Variants in TRDN observed in about 807,000 individuals in gnomAD.
TRDN encodes triadin, also known as triadin in skeletal muscle.
A neutral mutation model predicts 149.7 loss-of-function variants in TRDN; 161 were observed. The ratio of observed to expected loss-of-function variants is 1.08; its 90% CI spans 0.95 to 1.23. TRDN has a LOEUF of 1.23. Ranked by LOEUF, TRDN falls within the 50% of genes most tolerant of loss-of-function variation. TRDN has a pLI of 0.00. For missense variants in TRDN, 896 were observed against 823.5 expected, an observed-to-expected ratio of 1.09 and a Z score of -1.08; for synonymous variants, 294 against 250.5, an observed-to-expected ratio of 1.17 and a Z score of -1.64.
At chr6:123,338,791 GTAGT>G (rs1025665990) in intron 21 of TRDN, among the ~76,000 whole-genome samples, 7 of 152,174 alleles carry the variant, frequency 4.6e-5, no homozygotes, top group African/African-American at 1.7e-4. Context: ...TTGTGAAAAG[GTAGT>G]TAATCAACAA....
Position 123,259,641 on chromosome 6 carries a change from G to T in TRDN, c.1853C>A (p.Ser618Tyr). Residue 618 changes from serine to tyrosine, a missense_variant, in exon 35 of 41, where the codon TCT (serine) becomes TAT (tyrosine). Physicochemically the swap from Ser to Tyr is moderately radical, Grantham distance 144 (BLOSUM62 -2). Coordinates refer to ENST00000334268, the MANE Select transcript of TRDN (RefSeq NM_006073.4). ...TESGKKKTEI[S>Y]EKESKEKADM... is the part of the protein sequence containing the mutation. ...ATTTTTACCTTTACTTTCTTTTTCA[G>T]ATATTTCAGTTTTCTTCTTTCCTAG... is the stretch of plus-strand genomic sequence containing the variant. 1 of 1,468,364 alleles carries T rather than the reference G, an allele frequency of 6.8e-7. No homozygotes were observed. Among genetic ancestry groups the T allele is most frequent in the East Asian group, 2.6e-5 (1 of 39,074 alleles). 91.0% of individuals were successfully genotyped at this position (1,468,364 alleles called of 1,614,324 possible). A position where few individuals can be genotyped will look rare whatever the true frequency, so the allele number is the denominator to read the frequency against.
intron 24 of TRDN, among the ~76,000 whole-genome samples, chr6:123,287,556 G>A (rs1234867344): frequency 2.0e-5 from 3 of 152,040 alleles, no homozygotes; most frequent in Non-Finnish European, 2.9e-5. Flanking sequence ...TGAGTCCCAC[G>A]TAATTGTATA....
intron 1 of TRDN, among the ~76,000 whole-genome samples, chr6:123,619,078 T>C (rs1435166005): frequency 1.3e-5 from 2 of 152,142 alleles, no homozygotes; most frequent in Admixed American, 1.3e-4. Flanking sequence ...CCATTATTCA[T>C]TGGGTAATGT....
rs866793470 is a variant in TRDN at position 123,350,643 on chromosome 6, T to C, written c.1369+1896A>G. On this transcript the variant is annotated intron_variant, in intron 21 of 40. Coordinates refer to ENST00000334268, the MANE Select transcript of TRDN (RefSeq NM_006073.4). The stretch of plus-strand genomic sequence containing the variant: ...AAAAGCACAAAATATCTATTTTTTG[T>C]ATCAGTTATTAGTAATAGATATACT... The C allele has an allele frequency of 4.2e-5, 32 of 754,090 alleles. No individual in the cohort carries two copies. In the African/African-American group the frequency reaches 4.7e-4, roughly 11 times the overall value. The allele number at this position is 754,090 out of a possible 1,614,324, so 46.7% of individuals were successfully genotyped here. A position where few individuals can be genotyped will look rare whatever the true frequency, so the allele number is the denominator to read the frequency against.
At chr6:123,226,943 C>A (rs1775396710) in intron 38 of TRDN, among the ~76,000 whole-genome samples, 2 of 151,588 alleles carry the variant, frequency 1.3e-5, no homozygotes, top group East Asian at 3.9e-4. Flanking sequence ...GAAGGAGATG[C>A]CAAAATTAAA....
intron 1 of TRDN, among the ~76,000 whole-genome samples, chr6:123,630,184 C>T (rs965761216): frequency 6.6e-6 from 1 of 151,960 alleles, no homozygotes; most frequent in Non-Finnish European, 1.5e-5. Context: ...AAATATGTTA[C>T]ATTAGATAAT....
At chr6:123,525,847 T>G (rs1779918851) in intron 5 of TRDN, among the ~76,000 whole-genome samples, 1 of 152,070 alleles carries the variant, frequency 6.6e-6, no homozygotes, top group Admixed American at 6.6e-5. Context: ...TTAGATCTGG[T>G]GATTTGAAGT....
intron 34 of TRDN, among the ~76,000 whole-genome samples, chr6:123,260,373 A>G (rs566601849): frequency 6.6e-6 from 1 of 152,146 alleles, no homozygotes; most frequent in East Asian, 1.9e-4. Context: ...GACAAAAGTG[A>G]GAAGAAAAAC....
At chr6:123,540,427 T>C (rs1397067387) in intron 4 of TRDN, among the ~76,000 whole-genome samples, 1 of 151,712 alleles carries the variant, frequency 6.6e-6, no homozygotes, top group African/African-American at 2.4e-5. Flanking sequence ...GAGGATTTAC[T>C]AATAACATGA....
chr6:123,238,730 A>G (rs1359295175), intron 38 of TRDN, among the ~76,000 whole-genome samples: 1 of 152,244 alleles, frequency 6.6e-6, no homozygotes, highest in African/African-American at 2.4e-5. Context: ...ATGTTATGAA[A>G]GGACATAAAG....
chr6:123,452,666 A>G (rs1248808282), intron 10 of TRDN, among the ~76,000 whole-genome samples: 3 of 152,152 alleles, frequency 2.0e-5, no homozygotes, highest in Non-Finnish European at 4.4e-5. Context: ...TGGGAAAATG[A>G]CCATACTGCC....
chr6:123,501,281 C>T (rs191081177), intron 8 of TRDN, among the ~76,000 whole-genome samples: 49 of 151,902 alleles, frequency 3.2e-4, no homozygotes, highest in African/African-American at 9.9e-4. Context: ...AGTAAAGGAC[C>T]TATGAGCCTT....
intron 1 of TRDN, among the ~76,000 whole-genome samples, chr6:123,594,968 T>C (rs1031622802): frequency 4.6e-5 from 7 of 151,766 alleles, no homozygotes; most frequent in Non-Finnish European, 8.8e-5. Context: ...ACCCAGAATA[T>C]GCCTCTGTGG....
intron 1 of TRDN, among the ~76,000 whole-genome samples, chr6:123,609,973 T>C (rs1269636270): frequency 1.3e-5 from 2 of 152,180 alleles, no homozygotes; most frequent in African/African-American, 4.8e-5. Flanking sequence ...AGTAAATTTA[T>C]ACTAGAAGTC....
Position 123,248,096 on chromosome 6 carries a change from A to T in TRDN, c.1975+4316T>A, listed in dbSNP as rs186781388. The stretch of plus-strand genomic sequence containing the variant: ...TTCCTTACACCTTATACAAAAAATT[A>T]ACTGAAGATGGATTAAAGACTGAAA... On this transcript the variant is annotated intron_variant, in intron 38 of 40. Transcript: ENST00000334268. Among the ~76,000 whole-genome samples, 43 of 152,338 alleles carry T rather than the reference A, an allele frequency of 2.8e-4. 1 individual carries two copies. The highest frequency in any genetic ancestry group is 9.9e-4 in the African/African-American group (41 of 41,584).
Position 123,577,296 on chromosome 6 carries a change from G to GCCACCCT in TRDN, c.23-6171_23-6165dup, listed in dbSNP as rs555361883. On this transcript the variant is annotated intron_variant, in intron 1 of 40. Transcript: ENST00000334268. ...TTTTTTTTCTGCTCCTGTCCCTCCT[G>GCCACCCT]CCACCCTCCACCCTCAAGTAGGCCC... Among the ~76,000 whole-genome samples, 3 of 151,956 alleles carry GCCACCCT rather than the reference G, an allele frequency of 2.0e-5. 1 individual carries two copies. The South Asian group carries it at 6.2e-4, about 32-fold the overall frequency.
In TRDN at chr6:123,590,533, G is replaced by A. The variant is rs140572622; in HGVS notation, c.23-19401C>T. On this transcript the variant is annotated intron_variant, in intron 1 of 40. Coordinates refer to ENST00000334268, the MANE Select transcript of TRDN (RefSeq NM_006073.4). Reference sequence around the variant, plus strand: ...TAATCCCAGCACTTTGGGAGGCCGAGGCAGGCAGATCATGAGGTCAGGAGT... The same window carrying A: ...TAATCCCAGCACTTTGGGAGGCCGAAGCAGGCAGATCATGAGGTCAGGAGT... 3.2e-3 allele frequency among the ~76,000 whole-genome samples: 493 copies of A among 152,296 alleles called. 3 individuals are homozygous for A. The highest frequency in any genetic ancestry group is 1.0e-2 in the South Asian group (48 of 4,822).
chr6:123,566,802 G>A (rs2114521052), intron 2 of TRDN, among the ~76,000 whole-genome samples: 1 of 152,186 alleles, frequency 6.6e-6, no homozygotes, highest in Admixed American at 6.5e-5. Context: ...TTTTGAAACT[G>A]TTATTGAAGC....
intron 23 of TRDN, among the ~76,000 whole-genome samples, chr6:123,326,468 T>C (rs1779459889): frequency 8.6e-6 from 1 of 115,974 alleles, no homozygotes; most frequent in Admixed American, 7.9e-5. Flanking sequence ...AATTTTGAAA[T>C]GTATTTCTAC....
Sources: gnomAD v4.1 joint callset for allele counts (sites outside exome capture counted in the v4.1 genomes callset) on GRCh38, gnomAD v4.1.1 for gene constraint, MANE v1.5 for transcripts, NCBI Gene and HGNC (gene_info 2026-07-23, HGNC 2026-07-21) for gene names.